GLIS3: variants seen among roughly 807,000 people sequenced by gnomAD.
GLIS3 encodes zinc finger protein GLIS3.
GLIS3 carries 53 observed loss-of-function variants against 78.6 expected under a neutral mutation model. The ratio of observed to expected loss-of-function variants is 0.67; its 90% CI spans 0.54 to 0.85. The LOEUF (loss-of-function observed/expected upper bound fraction) is 0.85. Among genes scored for constraint, GLIS3 ranks in the 40% least tolerant of loss-of-function variants. The pLI, the probability that GLIS3 is intolerant of heterozygous loss-of-function variation, is 0.00. For synonymous variants in GLIS3, 684 were observed against 509.9 expected (o/e 1.34, Z -4.60); for missense variants, 1,703 against 1,231.1 (o/e 1.38, Z -5.74).
rs1337392208 is a variant in GLIS3 at position 4,137,281 on chromosome 9, G to A, written c.389-11340C>T. On this transcript the variant is annotated intron_variant, in intron 2 of 10. Transcript: ENST00000381971. Reference sequence around the variant, plus strand: ...GTCAAATCTGAACCCAGGGAGATTCGCATGAATCATGCAATCTCCTACCAC... The same window carrying A: ...GTCAAATCTGAACCCAGGGAGATTCACATGAATCATGCAATCTCCTACCAC... Among the ~76,000 whole-genome samples, 3 of 152,190 alleles carry A rather than the reference G, an allele frequency of 2.0e-5. 1 individual carries two copies. Among genetic ancestry groups the A allele is most frequent in the Non-Finnish European group, 4.4e-5 (3 of 68,006 alleles).
chr9:4,144,514 T>A (rs1834060311), intron 2 of GLIS3, among the ~76,000 whole-genome samples: 1 of 152,292 alleles, frequency 6.6e-6, no homozygotes, highest in East Asian at 1.9e-4. Context: ...TGTTTATACA[T>A]GATTAAGCAT....
intron 4 of GLIS3, among the ~76,000 whole-genome samples, chr9:4,102,819 C>A (rs1830474636): frequency 6.6e-6 from 1 of 152,082 alleles, no homozygotes. Flanking sequence ...AAAACACACA[C>A]AAACAAATAC....
intron 2 of GLIS3, among the ~76,000 whole-genome samples, chr9:4,240,825 C>G (rs914900784): frequency 6.6e-6 from 1 of 151,978 alleles, no homozygotes; most frequent in Non-Finnish European, 1.5e-5. Flanking sequence ...ACCTGTGTAA[C>G]AAACCTGCAC....
chr9:4,332,647 C>T (rs927458179), intron 2 of GLIS3, among the ~76,000 whole-genome samples: 1 of 152,222 alleles, frequency 6.6e-6, no homozygotes, highest in East Asian at 1.9e-4. Flanking sequence ...TCACTCTAAA[C>T]TACCAACCTA....
At chr9:3,867,711 A>G (rs1820678452) in intron 8 of GLIS3, among the ~76,000 whole-genome samples, 1 of 117,788 alleles carries the variant, frequency 8.5e-6, no homozygotes, top group Non-Finnish European at 1.7e-5. Flanking sequence ...ACATTCAACA[A>G]TTCTTGTGTG....
intron 8 of GLIS3, among the ~76,000 whole-genome samples, chr9:3,868,609 A>T (rs1246699339): frequency 6.6e-6 from 1 of 152,204 alleles, no homozygotes; most frequent in African/African-American, 2.4e-5. Flanking sequence ...TCAGGCAGAG[A>T]ATACATTCTG....
chr9:4,336,921 T>C (rs1241217310), intron 2 of GLIS3, among the ~76,000 whole-genome samples: 1 of 152,202 alleles, frequency 6.6e-6, no homozygotes, highest in African/African-American at 2.4e-5. Flanking sequence ...ACTAACTCAC[T>C]AAATTCCAAG....
chr9:4,103,325 A>C (rs184711346), intron 4 of GLIS3, among the ~76,000 whole-genome samples: 21 of 152,240 alleles, frequency 1.4e-4, no homozygotes, highest in Admixed American at 1.2e-3. Flanking sequence ...AGTACAACCC[A>C]TAAGACCTTC....
intron 2 of GLIS3, among the ~76,000 whole-genome samples, chr9:4,165,831 A>G (rs182978433): frequency 5.8e-4 from 89 of 152,368 alleles, no homozygotes; most frequent in African/African-American, 2.0e-3. Flanking sequence ...CTCAGGCATC[A>G]TGCATACAGG....
the GLIS3 span, among the ~76,000 whole-genome samples, chr9:4,437,450 ATC>A: frequency 4.7e-4 from 71 of 149,884 alleles, no homozygotes; most frequent in African/African-American, 8.4e-4. Flanking sequence ...CTATCTATCT[ATC>A]TATCTATCTA....
intron 4 of GLIS3, among the ~76,000 whole-genome samples, chr9:4,082,687 T>C (rs1482669267): frequency 6.6e-6 from 1 of 152,196 alleles, no homozygotes; most frequent in Non-Finnish European, 1.5e-5. Context: ...TGGGTCAAGA[T>C]GAACCCTGAA....
At chr9:4,245,316 G>C (rs971341547) in intron 2 of GLIS3, among the ~76,000 whole-genome samples, 5 of 152,182 alleles carry the variant, frequency 3.3e-5, no homozygotes, top group African/African-American at 1.2e-4. Context: ...ACGGGATCAA[G>C]TGTTTTACAA....
chr9:4,080,927 G>A (rs777021915), intron 4 of GLIS3, among the ~76,000 whole-genome samples: 9 of 152,188 alleles, frequency 5.9e-5, no homozygotes, highest in Non-Finnish European at 1.3e-4. Context: ...AACGGTGTTT[G>A]AGGTGGGTCT....
chr9:4,059,829 T>TGAGAGAGA (rs1004608610), intron 4 of GLIS3, among the ~76,000 whole-genome samples: 187 of 100,662 alleles, frequency 1.9e-3, no homozygotes, highest in African/African-American at 5.5e-3. Context: ...TGTGTGTGTG[T>TGAGAGAGA]GAGAGAGAGA....
At chr9:4,314,410 CA>C (rs890094565) in intron 2 of GLIS3, among the ~76,000 whole-genome samples, 3 of 152,104 alleles carry the variant, frequency 2.0e-5, no homozygotes, top group African/African-American at 7.2e-5. Flanking sequence ...CCACTCCATG[CA>C]AAAAAAGATG....
the GLIS3 span, among the ~76,000 whole-genome samples, chr9:4,476,469 C>T: frequency 2.6e-5 from 4 of 152,122 alleles, no homozygotes; most frequent in East Asian, 5.8e-4. Flanking sequence ...TCAAGCGATC[C>T]TCCTGCCTCA....
At chr9:4,009,249 A>G (rs752763496) in intron 4 of GLIS3, among the ~76,000 whole-genome samples, 4 of 152,270 alleles carry the variant, frequency 2.6e-5, no homozygotes, top group Non-Finnish European at 5.9e-5. Context: ...CCTCCCTCGC[A>G]CAGCCCGTGT....
intron 2 of GLIS3, among the ~76,000 whole-genome samples, chr9:4,201,997 G>A (rs57090781): frequency 0.035 from 5,351 of 152,068 alleles, 341 homozygotes; most frequent in African/African-American, 0.12. Context: ...AAATTAGCCA[G>A]GTGTGGTGGC....
chr9:3,906,507 A>G (rs1250173683), intron 6 of GLIS3, among the ~76,000 whole-genome samples: 1 of 152,176 alleles, frequency 6.6e-6, no homozygotes, highest in Non-Finnish European at 1.5e-5. Context: ...TCACAGAAGG[A>G]GCAGGTTGGA....
Sources: gnomAD v4.1 joint callset for allele counts (sites outside exome capture counted in the v4.1 genomes callset) on GRCh38, gnomAD v4.1.1 for gene constraint, MANE v1.5 for transcripts, NCBI Gene and HGNC (gene_info 2026-07-23, HGNC 2026-07-21) for gene names.